The following NOL10 variants were observed in gnomAD, a reference collection of about 807,000 sequenced individuals.
NOL10 encodes the protein H_NH0074G24.1.
A neutral mutation model predicts 103.5 loss-of-function variants in NOL10; 58 were observed. The ratio of observed to expected loss-of-function variants is 0.56; its 90% CI spans 0.45 to 0.70. The LOEUF is 0.70. NOL10 is among the 30% of genes least tolerant of loss of function. The pLI, the probability that NOL10 is intolerant of heterozygous loss-of-function variation, is 0.00. For missense variants in NOL10, 763 were observed against 807.3 expected (o/e 0.95, Z 0.67); for synonymous variants, 287 against 282.5 (o/e 1.02, Z -0.16).
chr2:10,657,639 A>G (rs1028969109), intron 11 of NOL10, 103 bp downstream of exon 11: 10 of 973,004 alleles, frequency 1.0e-5, no homozygotes, highest in African/African-American at 9.9e-5. Flanking sequence ...TATATTCAGT[A>G]TCTCTTTCCC....
chr2:10,680,813 C>T (rs962759418), intron 3 of NOL10, among the ~76,000 whole-genome samples: 10 of 152,132 alleles, frequency 6.6e-5, no homozygotes, highest in South Asian at 2.1e-4. Context: ...AGGACTTACG[C>T]GCCAAAATCA....
At chr2:10,678,333 T>G (rs964431890) in intron 3 of NOL10, among the ~76,000 whole-genome samples, 14 of 151,900 alleles carry the variant, frequency 9.2e-5, no homozygotes, top group African/African-American at 3.4e-4. Context: ...ATTATAGGCA[T>G]GAGCTACTGT....
chr2:10,576,739 GT>G (rs772514360), intron 20 of NOL10, among the ~76,000 whole-genome samples: 17 of 152,172 alleles, frequency 1.1e-4, no homozygotes, highest in Non-Finnish European at 2.2e-4. Context: ...ATGCTAAAGG[GT>G]ATAGGGCTTC....
intron 13 of NOL10, among the ~76,000 whole-genome samples, chr2:10,637,870 T>C (rs1678371921): frequency 6.6e-6 from 1 of 152,206 alleles, no homozygotes; most frequent in African/African-American, 2.4e-5. Flanking sequence ...GCTCCAAGAG[T>C]ACTTTCCAAA....
In NOL10 at chr2:10,627,969, G is replaced by A. The variant is rs182999975; in HGVS notation, c.1026+16351C>T. 2.0e-5 allele frequency among the ~76,000 whole-genome samples: 3 copies of A among 152,142 alleles called. No homozygotes were observed. In the East Asian group the frequency reaches 5.8e-4, roughly 29 times the overall value. On this transcript the variant is annotated intron_variant, in intron 13 of 20. Transcript: ENST00000381685. ...AATTCAAATTTGAACTCAATTTAAA[G>A]TAAATCATATTTTTCATTCAAATTT...
intron 7 of NOL10, among the ~76,000 whole-genome samples, chr2:10,667,482 G>C (rs1680636090): frequency 6.6e-6 from 1 of 152,162 alleles, no homozygotes. Flanking sequence ...TGATCCCCAG[G>C]GTGACACTCT....
At chr2:10,616,255 G>A (rs1281451689) in intron 13 of NOL10, among the ~76,000 whole-genome samples, 1 of 124,146 alleles carries the variant, frequency 8.1e-6, no homozygotes, top group Non-Finnish European at 1.6e-5. Flanking sequence ...TTGAGGCAGA[G>A]TCTTGCTCTG....
At chr2:10,660,574 T>C (rs527448655) in intron 9 of NOL10, among the ~76,000 whole-genome samples, 1 of 152,322 alleles carries the variant, frequency 6.6e-6, no homozygotes, top group Non-Finnish European at 1.5e-5. Context: ...TGCCTTGGCC[T>C]CCCAAAGTGC....
At chr2:10,682,352 T>C (rs897892736) in intron 2 of NOL10, among the ~76,000 whole-genome samples, 10 of 151,886 alleles carry the variant, frequency 6.6e-5, no homozygotes, top group Admixed American at 5.3e-4. Context: ...CACAACAGTG[T>C]ATCAAACATC....
chr2:10,657,789 T>C lies in NOL10; in HGVS notation c.859A>G (p.Ile287Val), dbSNP rs1679941677. ...SVHFQDSLDL[I>V]LSADSRIVKM... ...ACAATTCGAGAGTCAGCAGACAAAA[T>C]CAGATCTAATGAATCCTGGAAATGA... is the stretch of plus-strand genomic sequence containing the variant. The change falls in exon 11 of 21, where the codon ATT becomes GTT. Residue 287 changes from isoleucine to valine, a missense_variant. By Grantham distance (29) the Ile-to-Val change is conservative (BLOSUM62 3). Coordinates refer to ENST00000381685, the MANE Select transcript of NOL10 (RefSeq NM_024894.4). The C allele has an allele frequency of 6.4e-7, 1 of 1,551,094 alleles. No individual in the cohort carries two copies. Among genetic ancestry groups the C allele is most frequent in the Non-Finnish European group, 8.7e-7 (1 of 1,146,760 alleles).
At chr2:10,672,121 A>G (rs573283028) in intron 5 of NOL10, among the ~76,000 whole-genome samples, 1 of 152,208 alleles carries the variant, frequency 6.6e-6, no homozygotes, top group East Asian at 1.9e-4. Flanking sequence ...TGAGGTAGGG[A>G]GCTTGAGACC....
chr2:10,680,307 AGGGAGAAG>A (rs1681652621), intron 3 of NOL10, among the ~76,000 whole-genome samples: 1 of 121,056 alleles, frequency 8.3e-6, no homozygotes, highest in African/African-American at 3.3e-5. Flanking sequence ...GAAGGAGAAG[AGGGAGAAG>A]AGGGAGAAGA....
chr2:10,660,369 G>A (rs1216817463), intron 9 of NOL10, among the ~76,000 whole-genome samples: 1 of 152,118 alleles, frequency 6.6e-6, no homozygotes, highest in Non-Finnish European at 1.5e-5. Flanking sequence ...CCAGGCTGGA[G>A]TGCAGTGGCA....
At chr2:10,680,812 G>A (rs940832139) in intron 3 of NOL10, among the ~76,000 whole-genome samples, 2 of 152,146 alleles carry the variant, frequency 1.3e-5, no homozygotes, top group African/African-American at 2.4e-5. Context: ...CAGGACTTAC[G>A]CGCCAAAATC....
chr2:10,657,923 T>C, intron 10 of NOL10, 32 bp from the exon 11 acceptor site: 3 of 1,445,722 alleles, frequency 2.1e-6, no homozygotes, highest in Non-Finnish European at 2.8e-6. Flanking sequence ...TTAAACAAAC[T>C]AGACATTTTA....
chr2:10,600,946 G>A lies in NOL10; in HGVS notation c.1333-4C>T, dbSNP rs779878415. ...CTTTGTTAACTTTTGGCAATTTCTAGAGAGAAAATAAAAGCTGGTATTTTA... is the reference window on the plus strand; with the variant it reads ...CTTTGTTAACTTTTGGCAATTTCTAAAGAGAAAATAAAAGCTGGTATTTTA... On this transcript the variant is annotated splice_region_variant and splice_polypyrimidine_tract_variant and intron_variant, in intron 16 of 20. Coordinates refer to ENST00000381685, the MANE Select transcript of NOL10 (RefSeq NM_024894.4). 6.6e-6 allele frequency: 10 copies of A among 1,513,120 alleles called. No individual in the cohort carries two copies. The highest frequency in any genetic ancestry group is 1.2e-5 in the South Asian group (1 of 80,646). 93.7% of individuals were successfully genotyped at this position (1,513,120 alleles called of 1,614,324 possible).
chr2:10,684,791 T>A (rs1025794736), intron 1 of NOL10, among the ~76,000 whole-genome samples, 179 bp from the exon 2 acceptor site: 2 of 152,156 alleles, frequency 1.3e-5, no homozygotes, highest in African/African-American at 4.8e-5. Flanking sequence ...ATCTCCTGGA[T>A]TTTTTTTCTT....
intron 12 of NOL10, among the ~76,000 whole-genome samples, chr2:10,650,751 G>T (rs1292497296): frequency 6.6e-6 from 1 of 152,048 alleles, no homozygotes; most frequent in African/African-American, 2.4e-5. Flanking sequence ...GTGAAACCCT[G>T]TCTCTGAAAA....
intron 13 of NOL10, among the ~76,000 whole-genome samples, chr2:10,619,443 G>A (rs567338763): frequency 1.3e-5 from 2 of 152,220 alleles, no homozygotes; most frequent in East Asian, 1.9e-4. Context: ...TGTGGCCACC[G>A]TACCTGGCCA....
Sources: gnomAD v4.1 joint callset for allele counts (sites outside exome capture counted in the v4.1 genomes callset) on GRCh38, gnomAD v4.1.1 for gene constraint, MANE v1.5 for transcripts, NCBI Gene and HGNC (gene_info 2026-07-23, HGNC 2026-07-21) for gene names.